Variants in PKNOX2 observed in about 807,000 individuals in gnomAD.
PKNOX2 encodes the protein homeobox protein PKNOX2.
PKNOX2 carries 14 observed loss-of-function variants against 53.1 expected under a neutral mutation model. That is an observed-to-expected ratio of 0.26 (90% CI 0.17 to 0.41). PKNOX2 has a LOEUF of 0.41. PKNOX2 is among the 10% of genes least tolerant of loss of function. The pLI is 1.00. For synonymous variants in PKNOX2, 257 were observed against 242.8 expected, an observed-to-expected ratio of 1.06 and a Z score of -0.54; for missense variants, 496 against 602.8, an observed-to-expected ratio of 0.82 and a Z score of 1.85.
intron 1 of PKNOX2, among the ~76,000 whole-genome samples, chr11:125,221,742 G>GT (rs911095965): frequency 1.5e-4 from 23 of 149,752 alleles, no homozygotes; most frequent in East Asian, 7.8e-4. Flanking sequence ...GTTTCAGTAG[G>GT]TTTTTTTTTT....
chr11:125,365,243 C>G (rs1952128333), intron 4 of PKNOX2, among the ~76,000 whole-genome samples: 1 of 152,116 alleles, frequency 6.6e-6, no homozygotes, highest in Admixed American at 6.6e-5. Flanking sequence ...CCTGGCCGAC[C>G]CTGCTTTGAA....
chr11:125,272,762 G>C (rs1945888384), intron 2 of PKNOX2, among the ~76,000 whole-genome samples: 1 of 152,188 alleles, frequency 6.6e-6, no homozygotes, highest in African/African-American at 2.4e-5. Context: ...GACTCCCAGT[G>C]CCTCACAGGT....
At chr11:125,234,828 C>G (rs1340076158) in intron 1 of PKNOX2, among the ~76,000 whole-genome samples, 12 of 152,128 alleles carry the variant, frequency 7.9e-5, no homozygotes, top group Admixed American at 7.9e-4. Flanking sequence ...AGGGCATGAA[C>G]CTCTCGCTCT....
At chr11:125,173,164 C>T (rs1955448446) in intron 1 of PKNOX2, among the ~76,000 whole-genome samples, 1 of 152,174 alleles carries the variant, frequency 6.6e-6, no homozygotes, top group South Asian at 2.1e-4. Context: ...GCTGTGAAAA[C>T]TCTGGAAGAA....
At chr11:125,404,612 AACACACACATCACACACACACAAAC>A (rs1412038658) in intron 7 of PKNOX2, among the ~76,000 whole-genome samples, 1 of 150,910 alleles carries the variant, frequency 6.6e-6, no homozygotes, top group African/African-American at 2.5e-5. Flanking sequence ...CACACACACA[AACACACACATCACACACACACAAAC>A]ACACACACAC....
At chr11:125,360,838 T>C (rs533035726) in intron 4 of PKNOX2, among the ~76,000 whole-genome samples, 1 of 152,354 alleles carries the variant, frequency 6.6e-6, no homozygotes, top group Non-Finnish European at 1.5e-5. Context: ...CTGAACACCC[T>C]GTACCTTGAG....
intron 3 of PKNOX2, among the ~76,000 whole-genome samples, chr11:125,349,346 T>C (rs1423742162): frequency 1.3e-5 from 2 of 151,424 alleles, no homozygotes; most frequent in Non-Finnish European, 2.9e-5. Context: ...TTCCCCTGCC[T>C]GAAGAGAGAG....
intron 1 of PKNOX2, among the ~76,000 whole-genome samples, chr11:125,188,855 G>T (rs765112992): frequency 2.6e-5 from 4 of 151,586 alleles, no homozygotes; most frequent in African/African-American, 4.8e-5. Context: ...CTCATGCGCC[G>T]CCTTTTTTTT....
At chr11:125,213,354 C>T (rs1940096205) in intron 1 of PKNOX2, among the ~76,000 whole-genome samples, 2 of 152,160 alleles carry the variant, frequency 1.3e-5, no homozygotes, top group South Asian at 2.1e-4. Flanking sequence ...GTTCCCTCAT[C>T]TGTTAAATGG....
chr11:125,201,266 G>GGA (rs1938401905), intron 1 of PKNOX2, among the ~76,000 whole-genome samples: 3 of 152,076 alleles, frequency 2.0e-5, no homozygotes, highest in Non-Finnish European at 4.4e-5. Context: ...AGACATGCGG[G>GGA]AGCTCTGAGT....
intron 10 of PKNOX2, among the ~76,000 whole-genome samples, chr11:125,421,419 G>A (rs55939827): frequency 0.046 from 7,049 of 152,256 alleles, 480 homozygotes; most frequent in African/African-American, 0.16. Context: ...AAGAAGACTC[G>A]GGCAGCCTGT....
intron 2 of PKNOX2, among the ~76,000 whole-genome samples, chr11:125,290,519 C>T (rs1014350370): frequency 9.9e-5 from 15 of 152,228 alleles, no homozygotes; most frequent in Middle Eastern, 3.4e-3. Context: ...AGGGCTTGAC[C>T]GTGATCCAAG....
chr11:125,274,440 C>T (rs571198674), intron 2 of PKNOX2, among the ~76,000 whole-genome samples: 59 of 152,326 alleles, frequency 3.9e-4, no homozygotes, highest in Non-Finnish European at 6.8e-4. Context: ...CTCTGCGGTG[C>T]CAGCCCCTGT....
intron 1 of PKNOX2, among the ~76,000 whole-genome samples, chr11:125,231,495 C>T (rs1407019361): frequency 6.6e-6 from 1 of 152,186 alleles, no homozygotes; most frequent in African/African-American, 2.4e-5. Context: ...ATTCTGGTTG[C>T]ATTATTGCAT....
chr11:125,376,067 A>G (rs1334389921), intron 5 of PKNOX2, among the ~76,000 whole-genome samples: 1 of 152,162 alleles, frequency 6.6e-6, no homozygotes, highest in Non-Finnish European at 1.5e-5. Flanking sequence ...GAGATTTCAC[A>G]TAGATGCGTT....
chr11:125,327,352 GGACAGAGGAACTTTATCTTCA>G (rs1298213217), intron 2 of PKNOX2, among the ~76,000 whole-genome samples: 1 of 152,218 alleles, frequency 6.6e-6, no homozygotes, highest in African/African-American at 2.4e-5. Flanking sequence ...GAGGTCGTGA[GGACAGAGGAACTTTATCTTCA>G]GTGTGAAGCT....
chr11:125,408,838 A>T (rs1275309752), intron 7 of PKNOX2, among the ~76,000 whole-genome samples: 1 of 152,154 alleles, frequency 6.6e-6, no homozygotes, highest in Non-Finnish European at 1.5e-5. Flanking sequence ...TCCGGGCTCA[A>T]AACCCTAGAC....
chr11:125,411,371 A>G (rs1955499929), intron 9 of PKNOX2: 1 of 376,920 alleles, frequency 2.7e-6, no homozygotes, highest in Non-Finnish European at 5.1e-6. Flanking sequence ...CAAACTGTAA[A>G]GTACCACAGA....
intron 2 of PKNOX2, among the ~76,000 whole-genome samples, chr11:125,254,641 G>T (rs144038241): frequency 6.6e-6 from 1 of 152,182 alleles, no homozygotes; most frequent in Non-Finnish European, 1.5e-5. Context: ...GATCACAACC[G>T]CATTGTGACA....
Sources: allele counts gnomAD v4.1 joint callset (sites outside exome capture counted in the v4.1 genomes callset), GRCh38; gene constraint gnomAD v4.1.1; transcripts MANE v1.5; gene names NCBI Gene and HGNC (gene_info 2026-07-23, HGNC 2026-07-21).